The following MTTP variants were observed in gnomAD, a reference collection of about 807,000 sequenced individuals.
MTTP encodes the protein microsomal triglyceride transfer protein large subunit.
A neutral mutation model predicts 90.6 loss-of-function variants in MTTP; 49 were observed. The observed-to-expected ratio is 0.54, with a 90% CI of 0.43 to 0.69. The LOEUF is 0.69. Among genes scored for constraint, MTTP ranks in the 30% least tolerant of loss-of-function variants. The pLI is 0.00. For missense variants in MTTP, 945 were observed against 1,067.5 expected (o/e 0.89, Z 1.60); for synonymous variants, 347 against 384.2 (o/e 0.90, Z 1.13).
chr4:99,621,511 T>C (rs1726233218), intron 17 of MTTP, among the ~76,000 whole-genome samples: 1 of 152,202 alleles, frequency 6.6e-6, no homozygotes, highest in Non-Finnish European at 1.5e-5. Flanking sequence ...GCCTATGATT[T>C]ACCATAGGAG....
intron 10 of MTTP, among the ~76,000 whole-genome samples, chr4:99,603,471 G>C (rs1560621983): frequency 6.6e-6 from 1 of 152,162 alleles, no homozygotes; most frequent in Non-Finnish European, 1.5e-5. Context: ...ACCTAGGCAA[G>C]AATTAGTAAA....
At chr4:99,608,741 C>T in intron 11 of MTTP, 25 bp from the exon 12 acceptor site, 1 of 1,560,028 alleles carries the variant, frequency 6.4e-7, no homozygotes. Flanking sequence ...TAGATGTGCA[C>T]TAAGTTTGAA....
At chr4:99,564,486 C>A (rs1578222642) in intron 1 of MTTP, 1 of 447,454 alleles carries the variant, frequency 2.2e-6, no homozygotes, top group Non-Finnish European at 4.0e-6. Context: ...TTTTTTATGG[C>A]TGAAGTAAAA....
chr4:99,613,762 T>G (rs756474964), intron 15 of MTTP, among the ~76,000 whole-genome samples: 2 of 152,180 alleles, frequency 1.3e-5, no homozygotes, highest in African/African-American at 4.8e-5. Context: ...TGGCCCGAAA[T>G]CTTATGATAC....
In MTTP at chr4:99,619,176, A is replaced by G. The variant is rs1578257452; in HGVS notation, c.2342+78A>G. 3.0e-6 allele frequency: 4 copies of G among 1,339,250 alleles called. No homozygotes were observed. The East Asian group carries it at 7.0e-5, about 23-fold the overall frequency. The allele number at this position is 1,339,250 out of a possible 1,614,324, so 83.0% of individuals were successfully genotyped here. A position where few individuals can be genotyped will look rare whatever the true frequency, so the allele number is the denominator to read the frequency against. On this transcript the variant is annotated intron_variant, in intron 16 of 17. Transcript: ENST00000265517. The stretch of plus-strand genomic sequence containing the variant: ...AGAACTTCCGAAATATGTTTTGGGA[A>G]TTAATCTTCTGACTTTTCAAAATCT...
At chr4:99,620,630 A>G in intron 16 of MTTP, among the ~76,000 whole-genome samples, 1 of 152,234 alleles carries the variant, frequency 6.6e-6, no homozygotes, top group East Asian at 1.9e-4. Flanking sequence ...AGCTGCCTAG[A>G]AGCCAACAGA....
At position 99,606,927 on chromosome 4, in the gene MTTP, C is replaced by T. The variant is rs1725831716; in HGVS notation, c.1524C>T (p.Leu508=). 2 of 1,613,654 alleles carry T rather than the reference C, an allele frequency of 1.2e-6. No individual in the cohort carries two copies. Among genetic ancestry groups the T allele is most frequent in the Non-Finnish European group, 1.7e-6 (2 of 1,179,862 alleles). ...GPISHLATTA[L]QRYDLPFITD... ...TCAGCCACCTGGCTACCACTGCTCT[C>T]CAGAGATATGATCTCCCTTTCATAA... The change falls in exon 11 of 18, where the codon CTC becomes CTT. Residue 508 remains leucine (L), a synonymous_variant. Coordinates refer to ENST00000265517, the MANE Select transcript of MTTP (RefSeq NM_001386140.1).
In MTTP at chr4:99,622,856, C is replaced by G; in HGVS notation, c.*8C>G. On this transcript the variant is annotated 3_prime_UTR_variant, in exon 18 of 18. Coordinates refer to ENST00000265517, the MANE Select transcript of MTTP (RefSeq NM_001386140.1). ...TCCAGCGGATGGTTTTGAAACTGAC[C>G]TGTGATATTTTACTTGAATTTGTCT... 1 of 1,613,680 alleles carries G rather than the reference C, an allele frequency of 6.2e-7. No homozygotes were observed. The highest frequency in any genetic ancestry group is 2.2e-5 in the East Asian group (1 of 44,874).
chr4:99,608,965 A>T lies in MTTP; in HGVS notation c.1757A>T (p.Glu586Val). Reference sequence around the variant, plus strand: ...ATTGTTCAAGACATCCTACGTTTTGAAATGCCTGCAAGGTATAATACATTG... The same window carrying T: ...ATTGTTCAAGACATCCTACGTTTTGTAATGCCTGCAAGGTATAATACATTG... ...LAIVQDILRF[E>V]MPASKIVRRV... Residue 586 changes from glutamate (E) to valine (V), a missense_variant, in exon 12 of 18, where the codon GAA becomes GTA. Glu to Val is a moderately radical substitution (Grantham distance 121). Transcript: ENST00000265517. 1 of 1,613,940 alleles carries T rather than the reference A, an allele frequency of 6.2e-7. No individual in the cohort carries two copies. Among genetic ancestry groups the T allele is most frequent in the East Asian group, 2.2e-5 (1 of 44,880 alleles).
chr4:99,586,192 T>G (rs559851109), intron 3 of MTTP, among the ~76,000 whole-genome samples: 69 of 152,282 alleles, frequency 4.5e-4, no homozygotes, highest in Admixed American at 2.0e-3. Context: ...TACATATTCA[T>G]TGCACATCTT....
chr4:99,582,934 G>C (rs1174221494), intron 2 of MTTP, among the ~76,000 whole-genome samples: 1 of 152,112 alleles, frequency 6.6e-6, no homozygotes, highest in African/African-American at 2.4e-5. Context: ...ACAGTAAACT[G>C]TTCTCCAGAA....
At chr4:99,574,537 T>G (rs970475644), upstream of MTTP, among the ~76,000 whole-genome samples, 5 of 152,214 alleles carry the variant, frequency 3.3e-5, no homozygotes, top group Admixed American at 3.3e-4. Context: ...GATTATGTAT[T>G]AAGCAGAAAG....
At chr4:99,586,137 C>G (rs902524016) in intron 3 of MTTP, among the ~76,000 whole-genome samples, 5 of 152,090 alleles carry the variant, frequency 3.3e-5, no homozygotes, top group Non-Finnish European at 7.4e-5. Context: ...CCATCTGAGG[C>G]TCTCATATTT....
chr4:99,603,016 C>T (rs973072099), intron 10 of MTTP, among the ~76,000 whole-genome samples: 2 of 152,000 alleles, frequency 1.3e-5, no homozygotes, highest in East Asian at 1.9e-4. Context: ...TGAGTGTGCT[C>T]GAGAAGTTTC....
At chr4:99,569,462 A>G (rs1003784696) in intron 1 of MTTP, among the ~76,000 whole-genome samples, 1 of 151,966 alleles carries the variant, frequency 6.6e-6, no homozygotes, top group African/African-American at 2.4e-5. Context: ...TATTAATAAT[A>G]ACAAATCAAC....
chr4:99,619,108 T>C lies in MTTP; in HGVS notation c.2342+10T>C. On this transcript the variant is annotated intron_variant, in intron 16 of 17. Coordinates refer to ENST00000265517, the MANE Select transcript of MTTP (RefSeq NM_001386140.1). ...CCCGAGTGAAAAATAGGTAAGTGTT[T>C]ATGCATTATACATTTATGAATTACA... 1 of 1,610,690 alleles carries C rather than the reference T, an allele frequency of 6.2e-7. No homozygotes were observed.
chr4:99,597,006 T>C, intron 7 of MTTP, 61 bp from the exon 8 acceptor site: 2 of 1,602,880 alleles, frequency 1.2e-6, no homozygotes, highest in South Asian at 2.2e-5. Context: ...AGAACACCCT[T>C]TGTAAATGTG....
intron 7 of MTTP, 94 bp from the exon 8 acceptor site, chr4:99,596,973 A>G: frequency 6.4e-7 from 1 of 1,560,748 alleles, no homozygotes; most frequent in Non-Finnish European, 8.8e-7. Flanking sequence ...CGCTTCAGAC[A>G]CAAGGGACAT....
chr4:99,575,851 A>G (rs1724943892), intron 1 of MTTP, among the ~76,000 whole-genome samples: 1 of 152,234 alleles, frequency 6.6e-6, no homozygotes, highest in South Asian at 2.1e-4. Flanking sequence ...ATAGGGACCA[A>G]TTTTAAAACC....
Sources: allele counts gnomAD v4.1 joint callset (sites outside exome capture counted in the v4.1 genomes callset), GRCh38; gene constraint gnomAD v4.1.1; transcripts MANE v1.5; gene names NCBI Gene and HGNC (gene_info 2026-07-23, HGNC 2026-07-21).